DPP10: variants seen among roughly 807,000 people sequenced by gnomAD.
DPP10 encodes the protein inactive dipeptidyl peptidase 10.
In DPP10, 33 loss-of-function variants were observed where a neutral mutation model predicts 120.9. The ratio of observed to expected loss-of-function variants is 0.27; its 90% confidence interval spans 0.21 to 0.37. The LOEUF (loss-of-function observed/expected upper bound fraction) is 0.37. Among genes scored for constraint, DPP10 ranks in the 10% least tolerant of loss-of-function variants. DPP10 has a pLI of 1.00. For synonymous variants in DPP10, 337 were observed against 326.1 expected, an observed-to-expected ratio of 1.03 and a Z score of -0.36; for missense variants, 816 against 942.8, an observed-to-expected ratio of 0.87 and a Z score of 1.76.
chr2:115,022,925 G>A (rs950284460), intron 1 of DPP10, among the ~76,000 whole-genome samples: 3 of 152,104 alleles, frequency 2.0e-5, no homozygotes, highest in Non-Finnish European at 4.4e-5. Context: ...AACAAATCGT[G>A]CTGAGATAAT....
intron 5 of DPP10, among the ~76,000 whole-genome samples, chr2:115,656,133 A>AAC (rs146572509): frequency 0.05 from 7,193 of 143,250 alleles, 200 homozygotes; most frequent in African/African-American, 0.078. Context: ...GTTCTTACCA[A>AAC]ACACACACAC....
At chr2:114,943,278 GT>G (rs1553458762) in intron 1 of DPP10, among the ~76,000 whole-genome samples, 1 of 151,308 alleles carries the variant, frequency 6.6e-6, no homozygotes. Flanking sequence ...ATGTGCCACA[GT>G]TTTTTTTTCT....
At chr2:115,216,747 G>A (rs2056844934) in intron 1 of DPP10, among the ~76,000 whole-genome samples, 1 of 151,866 alleles carries the variant, frequency 6.6e-6, no homozygotes, top group Non-Finnish European at 1.5e-5. Context: ...ATCGTGCCAT[G>A]GCACTCCAGC....
At chr2:115,604,422 A>G (rs982025862) in intron 5 of DPP10, among the ~76,000 whole-genome samples, 4 of 152,152 alleles carry the variant, frequency 2.6e-5, no homozygotes, top group Non-Finnish European at 5.9e-5. Flanking sequence ...CATATCTGTT[A>G]TTTCTTCTAA....
chr2:114,449,380 T>C (rs1678122956), intron 1 of DPP10, among the ~76,000 whole-genome samples: 1 of 152,080 alleles, frequency 6.6e-6, no homozygotes, highest in Non-Finnish European at 1.5e-5. Context: ...CAGAACAAGA[T>C]TTAAGCTGGG....
At chr2:115,570,080 CT>C (rs2081252669) in intron 5 of DPP10, among the ~76,000 whole-genome samples, 1 of 152,156 alleles carries the variant, frequency 6.6e-6, no homozygotes, top group Non-Finnish European at 1.5e-5. Flanking sequence ...AGGAAACATA[CT>C]TTTTCTGACG....
At chr2:115,430,365 C>T (rs573739531) in intron 3 of DPP10, among the ~76,000 whole-genome samples, 59 of 152,272 alleles carry the variant, frequency 3.9e-4, no homozygotes, top group African/African-American at 1.4e-3. Context: ...TGAAATTAAT[C>T]TTCATAATGT....
intron 1 of DPP10, among the ~76,000 whole-genome samples, chr2:115,307,331 G>C (rs2061398583): frequency 6.6e-6 from 1 of 151,994 alleles, no homozygotes; most frequent in African/African-American, 2.4e-5. Context: ...GTCATGAGTT[G>C]GAGTGACAGC....
chr2:114,494,736 A>G (rs375975808), intron 1 of DPP10, among the ~76,000 whole-genome samples: 1 of 152,160 alleles, frequency 6.6e-6, no homozygotes, highest in African/African-American at 2.4e-5. Context: ...GATTGAGTAT[A>G]CATTACTGAG....
At chr2:114,977,941 G>T (rs1699856141) in intron 1 of DPP10, among the ~76,000 whole-genome samples, 1 of 146,386 alleles carries the variant, frequency 6.8e-6, no homozygotes, top group Non-Finnish European at 1.5e-5. Flanking sequence ...GTGCTTTTTT[G>T]GTTTGCAAAT....
chr2:114,795,080 C>T (rs561299593), intron 1 of DPP10, among the ~76,000 whole-genome samples: 2 of 152,144 alleles, frequency 1.3e-5, no homozygotes, highest in South Asian at 2.1e-4. Context: ...TTATTCTTTA[C>T]GGTATATTCA....
At chr2:115,189,790 A>G (rs1278362835) in intron 1 of DPP10, among the ~76,000 whole-genome samples, 1 of 152,158 alleles carries the variant, frequency 6.6e-6, no homozygotes, top group Non-Finnish European at 1.5e-5. Flanking sequence ...CTATGACACA[A>G]CACCCGAGAA....
chr2:114,753,114 A>C (rs1289874764), intron 1 of DPP10, among the ~76,000 whole-genome samples: 1 of 152,156 alleles, frequency 6.6e-6, no homozygotes, highest in African/African-American at 2.4e-5. Context: ...TCCTTCTGTC[A>C]AACCCAACAA....
chr2:115,739,597 G>T, intron 8 of DPP10, 142 bp from the exon 9 acceptor site: 1 of 869,960 alleles, frequency 1.1e-6, no homozygotes, highest in Non-Finnish European at 1.7e-6. Context: ...CTCAGAATTA[G>T]AGAATTTTCA....
chr2:115,766,881 G>A (rs570180085), intron 12 of DPP10, among the ~76,000 whole-genome samples: 4 of 152,194 alleles, frequency 2.6e-5, no homozygotes, highest in East Asian at 1.9e-4. Context: ...AGCACCCAGC[G>A]GTTACTGCTA....
intron 1 of DPP10, among the ~76,000 whole-genome samples, chr2:114,609,027 C>T (rs1693063557): frequency 6.6e-6 from 1 of 151,316 alleles, no homozygotes; most frequent in South Asian, 2.1e-4. Context: ...TGCATATACC[C>T]CAAGAATCTA....
chr2:115,169,362 A>C (rs1450105868), intron 1 of DPP10, among the ~76,000 whole-genome samples: 1 of 152,174 alleles, frequency 6.6e-6, no homozygotes, highest in Non-Finnish European at 1.5e-5. Context: ...CTTCTTTTAC[A>C]AAAGTAAATT....
At chr2:115,182,858 T>G (rs2054168226) in intron 1 of DPP10, among the ~76,000 whole-genome samples, 1 of 152,164 alleles carries the variant, frequency 6.6e-6, no homozygotes, top group Non-Finnish European at 1.5e-5. Flanking sequence ...CCCTTTTTCT[T>G]CTTTTGTTGT....
intron 5 of DPP10, among the ~76,000 whole-genome samples, chr2:115,561,672 C>G (rs1304548648): frequency 6.6e-6 from 1 of 151,890 alleles, no homozygotes; most frequent in African/African-American, 2.4e-5. Context: ...ATTATTTAAC[C>G]AGTGTTGCAA....
Sources: allele counts gnomAD v4.1 joint callset (sites outside exome capture counted in the v4.1 genomes callset), GRCh38; gene constraint gnomAD v4.1.1; transcripts MANE v1.5; gene names NCBI Gene and HGNC (gene_info 2026-07-23, HGNC 2026-07-21).